Variants in TAF1 observed in about 807,000 individuals in gnomAD.
TAF1 encodes the protein transcription initiation factor TFIID subunit 1.
TAF1 carries 2 observed loss-of-function variants against 138.5 expected under a neutral mutation model. The ratio of observed to expected loss-of-function variants is 0.01; its 90% CI spans 0.01 to 0.05. The LOEUF (loss-of-function observed/expected upper bound fraction) is 0.05, where lower values mean the gene tolerates loss of function less well. TAF1 is among the 10% of genes least tolerant of loss of function. TAF1 has a pLI of 1.00. For missense variants in TAF1, 709 were observed against 1,478.0 expected (o/e 0.48, Z 8.53); for synonymous variants, 437 against 503.2 (o/e 0.87, Z 1.76).
chrX:71,375,760 G>T (rs1346783369), intron 4 of TAF1, among the ~76,000 whole-genome samples: 2 of 112,369 alleles, frequency 1.8e-5, no homozygotes, highest in Non-Finnish European at 3.8e-5. Context: ...AGCCTCCAGA[G>T]TAGGGGCTGG....
chrX:71,452,112 C>G (rs910020719), intron 32 of TAF1, among the ~76,000 whole-genome samples: 3 of 103,543 alleles, frequency 2.9e-5, no homozygotes, highest in Non-Finnish European at 4.0e-5. Flanking sequence ...GGGGCTGACC[C>G]CCCCCCCCAC....
At chrX:71,512,014 C>CAA (rs776364300) in intron 13 of TAF1, among the ~76,000 whole-genome samples, 6 of 77,156 alleles carry the variant, frequency 7.8e-5, no homozygotes, top group African/African-American at 4.9e-5. Flanking sequence ...GACCTTGTCT[C>CAA]AAAAAAAAAA....
chrX:71,420,764 G>A (rs1361041938), intron 28 of TAF1, among the ~76,000 whole-genome samples: 1 of 112,898 alleles, frequency 8.9e-6, no homozygotes, highest in Non-Finnish European at 1.9e-5. Flanking sequence ...GGGGTGGGGG[G>A]CGCAAGGCCA....
chrX:71,418,426 C>G (rs1191664995), intron 28 of TAF1, among the ~76,000 whole-genome samples: 1 of 112,794 alleles, frequency 8.9e-6, no homozygotes, highest in Non-Finnish European at 1.9e-5. Context: ...GGCAGGAAGT[C>G]TGTCTTATTT....
In TAF1 at chrX:71,465,452, C is replaced by A. The variant is rs1225420857; in HGVS notation, c.*1406C>A. ...CAAAGTGTAACATGAATGGGAAAGGCCACAGTCTAGAAATGGCAGAGTGTG... is the reference window on the plus strand; with the variant it reads ...CAAAGTGTAACATGAATGGGAAAGGACACAGTCTAGAAATGGCAGAGTGTG... On this transcript the variant is annotated 3_prime_UTR_variant, in exon 38 of 38. Coordinates refer to ENST00000423759, the MANE Select transcript of TAF1 (RefSeq NM_004606.5). 2.7e-5 allele frequency: 3 copies of A among 111,734 alleles called. No homozygotes were observed. The highest frequency in any genetic ancestry group is 5.6e-5 in the Non-Finnish European group (3 of 53,182). The allele number at this position is 111,734 out of a possible 1,213,427, so 9.2% of individuals were successfully genotyped here.
rs1227972892 is a variant in TAF1 at position 71,437,410 on chromosome X, A to G, written c.4753+13172A>G. On this transcript the variant is annotated intron_variant, in intron 32 of 37. Coordinates refer to ENST00000423759, the MANE Select transcript of TAF1 (RefSeq NM_004606.5). ...TTTTTTCCATCAGTGATTGGGACCC[A>G]AGGTATAAGTATTTCTGACCAGGCT... Among the ~76,000 whole-genome samples the G allele has an allele frequency of 2.7e-5, 3 of 110,224 alleles. No individual in the cohort carries two copies. In the Admixed American group the frequency reaches 2.9e-4, roughly 11 times the overall value.
At chrX:71,378,478 A>G in intron 7 of TAF1, 25 bp downstream of exon 7, 1 of 1,200,111 alleles carries the variant, frequency 8.3e-7, no homozygotes, top group South Asian at 1.8e-5. Context: ...TATGTAAGAA[A>G]GGAATCAATG....
In TAF1 at chrX:71,423,324, A is replaced by G. The variant is rs925800584; in HGVS notation, c.4575+85A>G. 10 of 1,168,065 alleles carry G rather than the reference A, an allele frequency of 8.6e-6. No homozygotes were observed. The African/African-American group carries it at 1.8e-4, about 21-fold the overall frequency. ...GGGTGTACACGTGTGTGTATTTTGG[A>G]GAGTCTGAGTGGTGGTGTATGTCAG... On this transcript the variant is annotated intron_variant, in intron 30 of 37. Coordinates refer to ENST00000423759, the MANE Select transcript of TAF1 (RefSeq NM_004606.5).
intron 13 of TAF1, among the ~76,000 whole-genome samples, chrX:71,501,290 C>T (rs2039501273): frequency 1.8e-5 from 2 of 109,577 alleles, no homozygotes; most frequent in Non-Finnish European, 3.8e-5. Flanking sequence ...AGATAGTGTC[C>T]CCCCACTGAC....
chrX:71,438,559 C>G (rs1023873905), intron 32 of TAF1, among the ~76,000 whole-genome samples: 2 of 111,758 alleles, frequency 1.8e-5, no homozygotes, highest in African/African-American at 6.5e-5. Flanking sequence ...TGGCTTCCAC[C>G]CTGTCCAGTC....
intron 28 of TAF1, among the ~76,000 whole-genome samples, chrX:71,418,330 G>A (rs1239579271): frequency 8.9e-6 from 1 of 111,947 alleles, no homozygotes; most frequent in African/African-American, 3.2e-5. Context: ...CTCCTAGGCT[G>A]AAGCAATCCT....
chrX:71,530,247 A>T (rs1431043517), exon 15 of TAF1: 1 of 113,383 alleles, frequency 8.8e-6, no homozygotes, highest in Non-Finnish European at 1.9e-5. Flanking sequence ...GTGACTGGTT[A>T]CTTCATCCAG....
intron 34 of TAF1, among the ~76,000 whole-genome samples, chrX:71,456,790 C>G (rs764998037): frequency 9.6e-6 from 1 of 104,596 alleles, no homozygotes; most frequent in South Asian, 4.4e-4. Context: ...ATTCTCCTGC[C>G]TCAGCCTCCC....
At chrX:71,500,691 C>T (rs763895907) in intron 13 of TAF1, among the ~76,000 whole-genome samples, 2 of 107,638 alleles carry the variant, frequency 1.9e-5, no homozygotes, top group East Asian at 2.9e-4. Flanking sequence ...ACCTTACCGA[C>T]GCATTCTCAA....
intron 34 of TAF1, among the ~76,000 whole-genome samples, chrX:71,456,895 G>A (rs1408738502): frequency 2.7e-5 from 3 of 109,453 alleles, no homozygotes; most frequent in South Asian, 3.9e-4. Flanking sequence ...GGCTGGTCTC[G>A]TACTCCCGAC....
At chrX:71,398,242 G>A (rs2034963672) in intron 23 of TAF1, among the ~76,000 whole-genome samples, 1 of 110,532 alleles carries the variant, frequency 9.0e-6, no homozygotes, top group African/African-American at 3.3e-5. Context: ...GGAGGCTGAG[G>A]CAGGAGAATC....
In TAF1 at chrX:71,464,156, TTAAC is replaced by T. The variant is rs1237598658; in HGVS notation, c.*115_*118del. On this transcript the variant is annotated 3_prime_UTR_variant, in exon 38 of 38. Coordinates refer to ENST00000423759, the MANE Select transcript of TAF1 (RefSeq NM_004606.5). ...AGTATCTGATCCTGAAATCATGAAATTAACTAACACCTTAGCCTTTTTAAAAGTA... is the reference window on the plus strand; with the variant it reads ...AGTATCTGATCCTGAAATCATGAAATTAACACCTTAGCCTTTTTAAAAGTA... 7.4e-6 allele frequency: 5 copies of T among 677,418 alleles called. No individual in the cohort carries two copies. In the African/African-American group the frequency reaches 1.1e-4, roughly 15 times the overall value. 55.8% of individuals were successfully genotyped at this position (677,418 alleles called of 1,213,427 possible). A position where few individuals can be genotyped will look rare whatever the true frequency, so the allele number is the denominator to read the frequency against.
intron 32 of TAF1, among the ~76,000 whole-genome samples, chrX:71,432,357 T>C (rs2036930536): frequency 8.9e-6 from 1 of 112,103 alleles, no homozygotes; most frequent in Non-Finnish European, 1.9e-5. Context: ...ATTTTTTTGC[T>C]GAGATTAAAG....
At chrX:71,460,904 G>T (rs1200817043) in intron 37 of TAF1, 101 bp downstream of exon 37, 1 of 1,091,853 alleles carries the variant, frequency 9.2e-7, no homozygotes, top group Non-Finnish European at 1.2e-6. Context: ...AACATTTCCT[G>T]GGCACCTACT....
Sources: allele counts gnomAD v4.1 joint callset (sites outside exome capture counted in the v4.1 genomes callset), GRCh38; gene constraint gnomAD v4.1.1; transcripts MANE v1.5; gene names NCBI Gene and HGNC (gene_info 2026-07-23, HGNC 2026-07-21).